TAFA2: variants seen among roughly 807,000 people sequenced by gnomAD.
TAFA2 encodes chemokine-like protein TAFA-2.
In TAFA2, 7 loss-of-function variants were observed where a neutral mutation model predicts 18.8. The observed-to-expected ratio is 0.37, with a 90% CI of 0.21 to 0.70. The LOEUF (loss-of-function observed/expected upper bound fraction) is 0.70, where lower values mean the gene tolerates loss of function less well. Ranked by LOEUF, TAFA2 falls within the 30% of genes least tolerant of loss-of-function variation. TAFA2 has a pLI of 0.53. For missense variants in TAFA2, 122 were observed against 158.1 expected (o/e 0.77, Z 1.23); for synonymous variants, 60 against 54.2 (o/e 1.11, Z -0.47).
intron 1 of TAFA2, among the ~76,000 whole-genome samples, chr12:62,031,723 G>A (rs934408227): frequency 2.6e-5 from 4 of 152,050 alleles, no homozygotes; most frequent in South Asian, 4.1e-4. Context: ...ACTACACTAC[G>A]AATTTCTCCC....
At chr12:61,894,746 A>G (rs115438789) in intron 1 of TAFA2, among the ~76,000 whole-genome samples, 157 of 152,318 alleles carry the variant, frequency 1.0e-3, no homozygotes, top group Middle Eastern at 0.01. Flanking sequence ...GTAATTTTCA[A>G]CTCAAAGCTC....
intron 1 of TAFA2, among the ~76,000 whole-genome samples, chr12:62,249,282 AAAAAAAAG>A (rs1012679709): frequency 7.5e-6 from 1 of 132,858 alleles, no homozygotes; most frequent in Non-Finnish European, 1.6e-5. Context: ...TAAAAAAAAA[AAAAAAAAG>A]GAAAAAGACC....
intron 2 of TAFA2, among the ~76,000 whole-genome samples, chr12:61,859,726 G>A (rs143417655): frequency 2.5e-3 from 384 of 152,218 alleles, no homozygotes; most frequent in African/African-American, 8.9e-3. Flanking sequence ...ACAGGCATAA[G>A]CCACCACGCC....
At chr12:62,215,922 A>G (rs1429150176) in intron 1 of TAFA2, among the ~76,000 whole-genome samples, 2 of 152,086 alleles carry the variant, frequency 1.3e-5, no homozygotes, top group African/African-American at 4.8e-5. Context: ...CTATTTGTAA[A>G]GACCAGTGGG....
At chr12:62,161,281 C>T (rs749283467) in intron 1 of TAFA2, among the ~76,000 whole-genome samples, 4 of 152,154 alleles carry the variant, frequency 2.6e-5, no homozygotes, top group East Asian at 1.9e-4. Context: ...CTATTCACAT[C>T]GCAAAGATAT....
chr12:61,801,882 GA>G (rs1871411538), intron 2 of TAFA2, among the ~76,000 whole-genome samples: 1 of 151,940 alleles, frequency 6.6e-6, no homozygotes, highest in Non-Finnish European at 1.5e-5. Flanking sequence ...CTAATATCCA[GA>G]ATATGCAAGG....
intron 1 of TAFA2, chr12:61,880,753 C>T (rs1875091996): frequency 2.6e-6 from 1 of 378,406 alleles, no homozygotes; most frequent in Non-Finnish European, 5.2e-6. Context: ...TCTGAGTCCT[C>T]TGACGTCCTG....
chr12:62,236,253 T>G (rs1416816045), intron 1 of TAFA2, among the ~76,000 whole-genome samples: 1 of 87,928 alleles, frequency 1.1e-5, no homozygotes, highest in Non-Finnish European at 2.4e-5. Context: ...CCTTCAAATG[T>G]TTTTTTTCTT....
chr12:61,868,176 C>T (rs896298828), intron 1 of TAFA2, among the ~76,000 whole-genome samples: 4 of 152,184 alleles, frequency 2.6e-5, no homozygotes, highest in Non-Finnish European at 4.4e-5. Flanking sequence ...TTCTCCAGCA[C>T]TTTCTACAGC....
chr12:61,991,316 G>A (rs1302362879), intron 1 of TAFA2, among the ~76,000 whole-genome samples: 2 of 152,170 alleles, frequency 1.3e-5, no homozygotes, highest in Non-Finnish European at 2.9e-5. Flanking sequence ...TTAACATGCA[G>A]ATACTTTTCT....
intron 1 of TAFA2, among the ~76,000 whole-genome samples, chr12:61,993,146 T>C (rs1880066497): frequency 6.6e-6 from 1 of 152,172 alleles, no homozygotes; most frequent in Non-Finnish European, 1.5e-5. Flanking sequence ...CTCATTACTG[T>C]TCCCTAAACT....
intron 1 of TAFA2, among the ~76,000 whole-genome samples, chr12:62,184,944 G>A (rs910520802): frequency 1.2e-4 from 18 of 152,074 alleles, no homozygotes; most frequent in African/African-American, 3.9e-4. Context: ...CAGAGCTCTC[G>A]CCACTGCACC....
chr12:62,172,706 G>A (rs1379094846), intron 1 of TAFA2, among the ~76,000 whole-genome samples: 1 of 152,162 alleles, frequency 6.6e-6, no homozygotes, highest in African/African-American at 2.4e-5. Context: ...TAAACACAAA[G>A]TAGGTGCCTA....
intron 1 of TAFA2, among the ~76,000 whole-genome samples, chr12:61,870,645 C>T (rs899264901): frequency 5.9e-5 from 9 of 152,012 alleles, no homozygotes; most frequent in African/African-American, 2.2e-4. Flanking sequence ...CACACACTCA[C>T]AGTCTATTTT....
At chr12:61,719,496 C>A (rs1400787623) in intron 4 of TAFA2, among the ~76,000 whole-genome samples, 2 of 152,138 alleles carry the variant, frequency 1.3e-5, no homozygotes, top group Admixed American at 6.6e-5. Context: ...ATTTCCCACA[C>A]CTATATGACT....
chr12:62,015,582 A>T (rs908225084), intron 1 of TAFA2, among the ~76,000 whole-genome samples: 3 of 152,224 alleles, frequency 2.0e-5, no homozygotes, highest in African/African-American at 7.2e-5. Flanking sequence ...TGTACCAGAC[A>T]CTGATGATAT....
chr12:62,096,816 T>G (rs1868972151), intron 1 of TAFA2, among the ~76,000 whole-genome samples: 1 of 152,120 alleles, frequency 6.6e-6, no homozygotes, highest in South Asian at 2.1e-4. Context: ...CTGTACTGAT[T>G]GCCAGGCCTC....
At chr12:62,209,015 CT>C (rs2062703281) in intron 1 of TAFA2, among the ~76,000 whole-genome samples, 3 of 152,142 alleles carry the variant, frequency 2.0e-5, no homozygotes, top group African/African-American at 4.8e-5. Context: ...AACAAGATCG[CT>C]TTTGGCCTCT....
chr12:62,046,254 A>C (rs1236442289), intron 1 of TAFA2, among the ~76,000 whole-genome samples: 1 of 152,128 alleles, frequency 6.6e-6, no homozygotes, highest in Non-Finnish European at 1.5e-5. Context: ...ATGAGTCAAG[A>C]TAAGTCAGTT....
Sources: allele counts gnomAD v4.1 joint callset (sites outside exome capture counted in the v4.1 genomes callset), GRCh38; gene constraint gnomAD v4.1.1; transcripts MANE v1.5; gene names NCBI Gene and HGNC (gene_info 2026-07-23, HGNC 2026-07-21).